The following DSCAM variants were observed in gnomAD, a reference collection of about 807,000 sequenced individuals.
DSCAM encodes DS cell adhesion molecule, also known as cell adhesion molecule DSCAM.
In DSCAM, 47 loss-of-function variants were observed where a neutral mutation model predicts 217.7. The ratio of observed to expected loss-of-function variants is 0.22; its 90% CI spans 0.17 to 0.28. The LOEUF is 0.28. DSCAM is among the 10% of genes least tolerant of loss of function. The probability of loss-of-function intolerance (pLI) is 1.00; values close to 1 mark genes in which losing one functional copy is unlikely to be tolerated. For missense variants in DSCAM, 2,080 were observed against 2,618.3 expected, an observed-to-expected ratio of 0.79 and a Z score of 4.49; for synonymous variants, 1,056 against 1,015.3, an observed-to-expected ratio of 1.04 and a Z score of -0.76.
chr21:40,487,324 TGTGAGAGAGAGAGAGAGA>T (rs780830008), intron 3 of DSCAM, among the ~76,000 whole-genome samples: 6,834 of 76,060 alleles, frequency 0.09, 195 homozygotes, highest in East Asian at 0.21. Flanking sequence ...TGTGTGTGTG[TGTGAGAGAGAGAGAGAGA>T]GAGAGAGAGA....
intron 10 of DSCAM, among the ~76,000 whole-genome samples, chr21:40,291,593 C>G (rs1045172228): frequency 3.3e-5 from 5 of 152,206 alleles, no homozygotes; most frequent in African/African-American, 1.2e-4. Context: ...CCCGGCCTCG[C>G]CCCCTACCCC....
chr21:40,630,316 G>T (rs1231976310), intron 3 of DSCAM, among the ~76,000 whole-genome samples: 2 of 152,168 alleles, frequency 1.3e-5, no homozygotes, highest in African/African-American at 4.8e-5. Flanking sequence ...ATGGTGTATA[G>T]TCAACACTTA....
In DSCAM at chr21:40,052,035, G is replaced by C. The variant is rs756560778; in HGVS notation, c.5108C>G (p.Thr1703Ser). Residue 1703 changes from threonine (T) to serine (S), a missense_variant, in exon 30 of 33, where the codon ACT (threonine) becomes AGT (serine). By Grantham distance (58) the Thr-to-Ser change is moderately conservative. This residue lies in a region of DSCAM where 1,144 missense variants were observed against 1,421.1 expected (regional missense o/e 0.81). Transcript: ENST00000400454. ...CACCGATTGGTAATGGACCGTGTGA[G>C]TGACCGTCAGGGACTTCTGCTTAGC... The part of the protein sequence containing the change: ...EAAKQKSLTV[T>S]HTVHYQSVSQ... 3.7e-6 allele frequency: 6 copies of C among 1,614,094 alleles called. No homozygotes were observed. Among genetic ancestry groups the C allele is most frequent in the African/African-American group, 1.3e-5 (1 of 74,932 alleles).
intron 3 of DSCAM, among the ~76,000 whole-genome samples, chr21:40,579,250 T>A (rs73214195): frequency 0.083 from 12,202 of 147,000 alleles, 604 homozygotes; most frequent in Non-Finnish European, 0.11. Context: ...TATAATAAAT[T>A]AATTTGGATT....
chr21:40,228,065 G>T lies in DSCAM; in HGVS notation c.2357-38827C>A, dbSNP rs533928638. Among the ~76,000 whole-genome samples, 149 of 152,276 alleles carry T rather than the reference G, an allele frequency of 9.8e-4. 4 individuals are homozygous for T. The highest frequency in any genetic ancestry group is 3.4e-3 in the Middle Eastern group (1 of 294). On this transcript the variant is annotated intron_variant, in intron 11 of 32. Transcript: ENST00000400454. ...AATACCTCTCAGTTGGGGCTTGTCTGTTGTTTTTCTCATTTTTAGGCTGAG... is the reference window on the plus strand; with the variant it reads ...AATACCTCTCAGTTGGGGCTTGTCTTTTGTTTTTCTCATTTTTAGGCTGAG...
Position 40,013,066 on chromosome 21 carries a change from T to G in DSCAM, c.6007A>C (p.Asn2003His). The change falls in exon 33 of 33, where the codon AAT becomes CAT. Residue 2003 changes from asparagine (N) to histidine (H), a missense_variant. By Grantham distance (68) the Asn-to-His change is moderately conservative (BLOSUM62 1). Around this residue, in one of 5 missense-constraint regions of DSCAM, gnomAD observed 5 missense variants for 16.5 expected, o/e 0.30. Coordinates refer to ENST00000400454, the MANE Select transcript of DSCAM (RefSeq NM_001389.5). ...AGGGTGTAAGATTTTGCGTAAGGAT[T>G]GTTTCCTTTCAAATGGCCCCGGGAG... ...LDSRGHLKGN[N>H]PYAKSYTLV 6.4e-7 allele frequency: 1 copy of G among 1,551,090 alleles called. No individual in the cohort carries two copies. The highest frequency in any genetic ancestry group is 8.7e-7 in the Non-Finnish European group (1 of 1,146,002).
chr21:40,758,090 C>T (rs2091293927), intron 1 of DSCAM, among the ~76,000 whole-genome samples: 1 of 151,998 alleles, frequency 6.6e-6, no homozygotes, highest in Admixed American at 6.6e-5. Context: ...ACAGGGAGAA[C>T]ACGGTATGAT....
intron 1 of DSCAM, among the ~76,000 whole-genome samples, chr21:40,788,553 A>AAG (rs2091613015): frequency 1.3e-5 from 2 of 152,054 alleles, no homozygotes; most frequent in African/African-American, 2.4e-5. Flanking sequence ...TTTTATTTGG[A>AAG]AGCACTCATT....
intron 1 of DSCAM, among the ~76,000 whole-genome samples, chr21:40,733,575 C>T (rs1374363755): frequency 6.6e-6 from 1 of 152,106 alleles, no homozygotes; most frequent in African/African-American, 2.4e-5. Flanking sequence ...GTCAATAGGC[C>T]GCTGCTGAGA....
At chr21:40,422,704 T>C (rs1283662675) in intron 3 of DSCAM, among the ~76,000 whole-genome samples, 1 of 152,240 alleles carries the variant, frequency 6.6e-6, no homozygotes, top group East Asian at 1.9e-4. Context: ...TATGTTGTTT[T>C]TCTGGATTTT....
chr21:40,338,271 T>C lies in DSCAM; in HGVS notation c.1613A>G (p.Tyr538Cys). The C allele has an allele frequency of 6.2e-7, 1 of 1,614,246 alleles. No individual in the cohort carries two copies. The highest frequency in any genetic ancestry group is 8.5e-7 in the Non-Finnish European group (1 of 1,180,038). ...GAAAGGAAGCAGGTTAGAGTTCTTG[T>C]ACCATTTAATGGAGTAATACGGATA... Reference protein sequence around the residue: ...IGYPYYSIKWYKNSNLLPFNH... With the variant: ...IGYPYYSIKWCKNSNLLPFNH... Residue 538 changes from tyrosine to cysteine, a missense_variant, in exon 8 of 33, where the codon TAC becomes TGC. Physicochemically the swap from Tyr to Cys is radical, Grantham distance 194. Transcript: ENST00000400454.
intron 3 of DSCAM, among the ~76,000 whole-genome samples, chr21:40,510,276 A>T (rs578138066): frequency 2.6e-5 from 4 of 152,334 alleles, no homozygotes; most frequent in African/African-American, 9.6e-5. Flanking sequence ...ATGAAATTGA[A>T]GGGAAAATTT....
At position 40,144,512 on chromosome 21, in the gene DSCAM, T is replaced by C; in HGVS notation, c.3238A>G (p.Ile1080Val). 6.2e-7 allele frequency: 1 copy of C among 1,614,166 alleles called. No homozygotes were observed. Among genetic ancestry groups the C allele is most frequent in the Non-Finnish European group, 8.5e-7 (1 of 1,180,012 alleles). Reference sequence around the variant, plus strand: ...CTACCATCCTCGAGAGTGGTGGTGATGATTTCCTGAGAAGAAGGCCCCGTG... The same window carrying C: ...CTACCATCCTCGAGAGTGGTGGTGACGATTTCCTGAGAAGAAGGCCCCGTG... ...AGTGPSSQEIITTTLEDVPSY... is the reference protein window; with the variant it reads ...AGTGPSSQEIVTTTLEDVPSY... Residue 1080 changes from isoleucine (I) to valine (V), a missense_variant, in exon 17 of 33, where the codon ATC becomes GTC. Ile to Val is a conservative substitution (Grantham distance 29). Around this residue, in one of 5 missense-constraint regions of DSCAM, gnomAD observed 1,144 missense variants for 1,421.1 expected, o/e 0.81. Coordinates refer to ENST00000400454, the MANE Select transcript of DSCAM (RefSeq NM_001389.5). The surrounding 1 kb of genome is among the most constrained non-coding windows in gnomAD (Gnocchi z 4.8).
intron 1 of DSCAM, among the ~76,000 whole-genome samples, chr21:40,733,120 A>T (rs1408957377): frequency 1.3e-5 from 2 of 152,218 alleles, no homozygotes; most frequent in African/African-American, 4.8e-5. Flanking sequence ...GGGTGCAGAC[A>T]TGCATGCAGG....
chr21:40,742,403 T>C (rs765303365), intron 1 of DSCAM, among the ~76,000 whole-genome samples: 3 of 152,158 alleles, frequency 2.0e-5, no homozygotes, highest in Non-Finnish European at 2.9e-5. Flanking sequence ...CCAAGGAATA[T>C]GAGGAGCACC....
chr21:40,415,693 C>G (rs1010785520), intron 3 of DSCAM, among the ~76,000 whole-genome samples: 1 of 152,164 alleles, frequency 6.6e-6, no homozygotes, highest in African/African-American at 2.4e-5. Context: ...AGATCTCACA[C>G]CCTGGCAAGG....
chr21:40,554,196 GTTTTTT>G (rs113016250), intron 3 of DSCAM, among the ~76,000 whole-genome samples: 1 of 132,598 alleles, frequency 7.5e-6, no homozygotes, highest in African/African-American at 2.7e-5. Context: ...TTGATTGTTA[GTTTTTT>G]TTTTTTTTTT....
At chr21:40,121,704 T>C (rs1320913975) in intron 20 of DSCAM, among the ~76,000 whole-genome samples, 1 of 112,370 alleles carries the variant, frequency 8.9e-6, no homozygotes, top group Admixed American at 1.0e-4. Flanking sequence ...TTTTTTTTTT[T>C]TTTGAGACAG....
chr21:40,545,433 T>C (rs2076574348), intron 3 of DSCAM, among the ~76,000 whole-genome samples: 1 of 152,140 alleles, frequency 6.6e-6, no homozygotes, highest in Non-Finnish European at 1.5e-5. Context: ...TTACATATAT[T>C]CACTCTTCCA....
Sources: gnomAD v4.1 joint callset for allele counts (sites outside exome capture counted in the v4.1 genomes callset) on GRCh38, gnomAD v4.1.1 for gene constraint, gnomAD v4.1.1 regional missense constraint, Gnocchi (gnomAD v3.1) non-coding constraint, MANE v1.5 for transcripts, NCBI Gene and HGNC (gene_info 2026-07-23, HGNC 2026-07-21) for gene names.